Variants in CCDC34 observed in about 807,000 individuals in gnomAD.
CCDC34 encodes the protein coiled-coil domain-containing protein 34.
A neutral mutation model predicts 44.1 loss-of-function variants in CCDC34; 40 were observed. The observed-to-expected ratio is 0.91, with a 90% confidence interval of 0.70 to 1.18. The LOEUF (loss-of-function observed/expected upper bound fraction) is 1.18. Ranked by LOEUF, CCDC34 falls within the 50% of genes most tolerant of loss-of-function variation. The pLI, the probability that CCDC34 is intolerant of heterozygous loss-of-function variation, is 0.00. For synonymous variants in CCDC34, 159 were observed against 158.2 expected (o/e 1.01, Z -0.04); for missense variants, 466 against 452.3 (o/e 1.03, Z -0.28).
At chr11:27,351,725 T>G (rs1005411361) in intron 2 of CCDC34, among the ~76,000 whole-genome samples, 9 of 152,204 alleles carry the variant, frequency 5.9e-5, no homozygotes, top group Non-Finnish European at 5.9e-5. Context: ...TTATTGCATA[T>G]CATAAAAGTT....
chr11:27,341,567 TAA>T lies in CCDC34; in HGVS notation c.607-19_607-18del, dbSNP rs751856401. 58 of 1,134,506 alleles carry T rather than the reference TAA, an allele frequency of 5.1e-5. 2 individuals are homozygous for T. In the South Asian group the frequency reaches 9.2e-4, roughly 18 times the overall value. The allele number at this position is 1,134,506 out of a possible 1,614,324, so 70.3% of individuals were successfully genotyped here. A position where few individuals can be genotyped will look rare whatever the true frequency, so the allele number is the denominator to read the frequency against. On this transcript the variant is annotated intron_variant, in intron 3 of 5. Coordinates refer to ENST00000328697, the MANE Select transcript of CCDC34 (RefSeq NM_030771.2). ...TTTTCTTTTCTTAAATAAAAATAGA[TAA>T]AGTTTAATTGTAATACCAGTAATTA...
chr11:27,347,916 C>G (rs1781732222), intron 3 of CCDC34, among the ~76,000 whole-genome samples: 1 of 151,908 alleles, frequency 6.6e-6, no homozygotes, highest in Non-Finnish European at 1.5e-5. Flanking sequence ...GAAAAAAAAT[C>G]AGACAGACTT....
intron 5 of CCDC34, among the ~76,000 whole-genome samples, chr11:27,340,484 T>G (rs1470249829): frequency 2.0e-5 from 3 of 152,236 alleles, no homozygotes; most frequent in African/African-American, 2.4e-5. Context: ...TTTGCAGTTT[T>G]GTAACTACTG....
intron 4 of CCDC34, 129 bp from the exon 5 acceptor site, chr11:27,340,966 T>C (rs889670618): frequency 2.2e-5 from 16 of 726,500 alleles, no homozygotes; most frequent in Non-Finnish European, 3.3e-5. Flanking sequence ...TACTGAATCA[T>C]ATTTTTATAA....
At chr11:27,348,659 C>G (rs565143819) in intron 3 of CCDC34, among the ~76,000 whole-genome samples, 68 of 152,086 alleles carry the variant, frequency 4.5e-4, no homozygotes, top group African/African-American at 1.6e-3. Flanking sequence ...AAGCTGGAGG[C>G]AGCTGAGGAC....
chr11:27,345,959 CT>C (rs949247273), intron 3 of CCDC34, among the ~76,000 whole-genome samples: 3 of 151,948 alleles, frequency 2.0e-5, no homozygotes, highest in African/African-American at 7.3e-5. Flanking sequence ...TGTTTCCTGA[CT>C]TTTTAATGAT....
chr11:27,360,230 G>A (rs1862642780), intron 1 of CCDC34, among the ~76,000 whole-genome samples: 1 of 152,162 alleles, frequency 6.6e-6, no homozygotes, highest in East Asian at 1.9e-4. Context: ...GAAAAACCAG[G>A]ATAAAGCTGA....
At chr11:27,353,590 A>G (rs1416397412) in intron 2 of CCDC34, among the ~76,000 whole-genome samples, 1 of 152,220 alleles carries the variant, frequency 6.6e-6, no homozygotes, top group Non-Finnish European at 1.5e-5. Flanking sequence ...TTACAAATGT[A>G]TACCATTTTG....
rs1862311694 is a variant in CCDC34 at position 27,338,512 on chromosome 11, T to C, written c.*309A>G. 1 of 264,276 alleles carries C rather than the reference T, an allele frequency of 3.8e-6. No individual in the cohort carries two copies. Among genetic ancestry groups the C allele is most frequent in the African/African-American group, 2.3e-5 (1 of 43,550 alleles). The allele number at this position is 264,276 out of a possible 1,614,324, so 16.4% of individuals were successfully genotyped here. On this transcript the variant is annotated 3_prime_UTR_variant, in exon 6 of 6. Coordinates refer to ENST00000328697, the MANE Select transcript of CCDC34 (RefSeq NM_030771.2). Reference sequence around the variant, plus strand: ...GTAAACTAGTAACAATATAAAACAATACAAGAAAAATTGTTAGTTTTATTG... The same window carrying C: ...GTAAACTAGTAACAATATAAAACAACACAAGAAAAATTGTTAGTTTTATTG...
intron 2 of CCDC34, 54 bp downstream of exon 2, chr11:27,357,349 A>G: frequency 6.5e-7 from 1 of 1,526,754 alleles, no homozygotes; most frequent in Non-Finnish European, 8.9e-7. Context: ...TTACAACTGC[A>G]GCTCTACTTT....
intron 1 of CCDC34, among the ~76,000 whole-genome samples, chr11:27,359,572 T>G (rs1425418569): frequency 2.6e-5 from 4 of 152,048 alleles, no homozygotes; most frequent in African/African-American, 9.7e-5. Context: ...CACTGCAAGC[T>G]CCGCCTCCCT....
intron 2 of CCDC34, among the ~76,000 whole-genome samples, chr11:27,354,274 A>G: frequency 6.6e-6 from 1 of 152,344 alleles, no homozygotes; most frequent in East Asian, 1.9e-4. Context: ...TCTTTGAACC[A>G]AATTACAAAT....
In CCDC34 at chr11:27,362,822, G is replaced by T. The variant is rs770136247; in HGVS notation, c.359+14C>A. 6.2e-7 allele frequency: 1 copy of T among 1,609,738 alleles called. No homozygotes were observed. The highest frequency in any genetic ancestry group is 8.5e-7 in the Non-Finnish European group (1 of 1,177,158). Reference sequence around the variant, plus strand: ...TTGAAAAGGGCTGAATCGGCCGGGCGGCCTCGGGTTTACCTGGCGCACCCC... The same window carrying T: ...TTGAAAAGGGCTGAATCGGCCGGGCTGCCTCGGGTTTACCTGGCGCACCCC... On this transcript the variant is annotated intron_variant, in intron 1 of 5. Coordinates refer to ENST00000328697, the MANE Select transcript of CCDC34 (RefSeq NM_030771.2).
At chr11:27,352,906 C>T (rs940977277) in intron 2 of CCDC34, among the ~76,000 whole-genome samples, 8 of 152,132 alleles carry the variant, frequency 5.3e-5, no homozygotes, top group Non-Finnish European at 1.0e-4. Context: ...TGAGACACAA[C>T]CCTCCCTTCC....
rs757647778 is a variant in CCDC34, at chr11:27,340,794, T to A, written c.809A>T (p.Glu270Val). ...QQQAEIQEKK[E>V]IAEKKFQEWL... is the part of the protein sequence containing the mutation. ...TTCTTGAAACTTTTTTTCTGCTATT[T>A]CCTTTTTCTCCTGTATTTCAGCTTG... Residue 270 changes from glutamate to valine, a missense_variant, in exon 5 of 6, where the codon GAA becomes GTA. Physicochemically the swap from Glu to Val is moderately radical, Grantham distance 121 (BLOSUM62 -2). Coordinates refer to ENST00000328697, the MANE Select transcript of CCDC34 (RefSeq NM_030771.2). The A allele has an allele frequency of 3.7e-6, 6 of 1,613,724 alleles. 1 individual carries two copies. The South Asian group carries it at 6.6e-5, about 18-fold the overall frequency.
At chr11:27,361,972 C>T (rs1404058417) in intron 1 of CCDC34, among the ~76,000 whole-genome samples, 1 of 152,240 alleles carries the variant, frequency 6.6e-6, no homozygotes, top group East Asian at 1.9e-4. Context: ...CTTCTGTATA[C>T]CCAATACTAG....
intron 2 of CCDC34, among the ~76,000 whole-genome samples, chr11:27,354,855 T>C (rs1411358005): frequency 6.6e-6 from 1 of 152,064 alleles, no homozygotes; most frequent in African/African-American, 2.4e-5. Flanking sequence ...TGAGACCCTG[T>C]CTCAAAAAAC....
At chr11:27,358,969 C>G (rs1268704519) in intron 1 of CCDC34, among the ~76,000 whole-genome samples, 2 of 146,640 alleles carry the variant, frequency 1.4e-5, no homozygotes, top group Admixed American at 6.8e-5. Context: ...CCCCCCCCCC[C>G]CACCGCCACC....
intron 1 of CCDC34, among the ~76,000 whole-genome samples, chr11:27,358,454 GCAAC>G (rs1862610445): frequency 1.3e-5 from 2 of 152,108 alleles, no homozygotes; most frequent in African/African-American, 4.8e-5. Context: ...CCTGCTTATA[GCAAC>G]CAATTGCTTC....
Sources: gnomAD v4.1 joint callset for allele counts (sites outside exome capture counted in the v4.1 genomes callset) on GRCh38, gnomAD v4.1.1 for gene constraint, MANE v1.5 for transcripts, NCBI Gene and HGNC (gene_info 2026-07-23, HGNC 2026-07-21) for gene names.